Variants in ALKBH4 observed in about 807,000 individuals in gnomAD.
The protein encoded by ALKBH4 is alpha-ketoglutarate-dependent dioxygenase alkB homolog 4.
In ALKBH4, 8 loss-of-function variants were observed where a neutral mutation model predicts 12.1. The observed-to-expected ratio is 0.66, with a 90% CI of 0.39 to 1.19. ALKBH4 has a LOEUF of 1.19. Among genes scored for constraint, ALKBH4 ranks in the 50% most tolerant of loss-of-function variants. The pLI is 0.01. For missense variants in ALKBH4, 403 were observed against 430.4 expected (o/e 0.94, Z 0.56); for synonymous variants, 195 against 191.6 (o/e 1.02, Z -0.15).
In ALKBH4 at chr7:102,457,281, C is replaced by T. The variant is rs1430574295; in HGVS notation, c.*113G>A. ...TCCTGGGCAGGGCTCACACTGCTCA[C>T]AGCATCAGGGGTCAGCCATCTTCTC... On this transcript the variant is annotated 3_prime_UTR_variant, in exon 3 of 3. Coordinates refer to ENST00000292566, the MANE Select transcript of ALKBH4 (RefSeq NM_017621.4). This position sits in a 1 kb window ranked among gnomAD's most constrained non-coding sequence, Gnocchi z 5.9. 1.6e-6 allele frequency: 2 copies of T among 1,259,840 alleles called. No individual in the cohort carries two copies. Among genetic ancestry groups the T allele is most frequent in the Admixed American group, 2.1e-5 (1 of 48,322 alleles). The allele number at this position is 1,259,840 out of a possible 1,614,324, so 78.0% of individuals were successfully genotyped here.
At chr7:102,462,925 C>T (rs528868745) in intron 1 of ALKBH4, among the ~76,000 whole-genome samples, 63 of 149,762 alleles carry the variant, frequency 4.2e-4, no homozygotes, top group South Asian at 1.9e-3. Flanking sequence ...CCCCAAGGTT[C>T]GTCCATGCTG....
intron 1 of ALKBH4, among the ~76,000 whole-genome samples, chr7:102,460,131 G>A (rs955871233): frequency 2.0e-5 from 3 of 149,572 alleles, no homozygotes; most frequent in Admixed American, 6.7e-5. Context: ...TCCAGCCTGG[G>A]CGACAGAGTG....
chr7:102,457,343 G>T lies in ALKBH4; in HGVS notation c.*51C>A. The T allele has an allele frequency of 6.4e-7, 1 of 1,553,262 alleles. No homozygotes were observed. Among genetic ancestry groups the T allele is most frequent in the Non-Finnish European group, 8.8e-7 (1 of 1,140,636 alleles). ...TGAGTTGCAGGAGGCCCTGTTCTGT[G>T]CTCCTCATTTCAATCCCGGGATCAG... On this transcript the variant is annotated 3_prime_UTR_variant, in exon 3 of 3. Transcript: ENST00000292566. This position sits in a 1 kb window ranked among gnomAD's most constrained non-coding sequence, Gnocchi z 5.9.
Position 102,457,133 on chromosome 7 carries a change from G to A in ALKBH4, c.*261C>T, listed in dbSNP as rs1797671572. 13 of 429,164 alleles carry A rather than the reference G, an allele frequency of 3.0e-5. No homozygotes were observed. Among genetic ancestry groups the A allele is most frequent in the Non-Finnish European group, 4.6e-5 (11 of 239,216 alleles). The allele number at this position is 429,164 out of a possible 1,614,324, so 26.6% of individuals were successfully genotyped here. A position where few individuals can be genotyped will look rare whatever the true frequency, so the allele number is the denominator to read the frequency against. ...TGTGAGCCACTGTGCCCGGCCCCCA[G>A]TATTTTTTAAGCTCAAATGATCCCA... On this transcript the variant is annotated 3_prime_UTR_variant, in exon 3 of 3. Coordinates refer to ENST00000292566, the MANE Select transcript of ALKBH4 (RefSeq NM_017621.4). This position sits in a 1 kb window ranked among gnomAD's most constrained non-coding sequence, Gnocchi z 5.9.
In ALKBH4 at chr7:102,464,696, C is replaced by A; in HGVS notation, c.123+18G>T. The A allele has an allele frequency of 6.7e-7, 1 of 1,503,282 alleles. No individual in the cohort carries two copies. Among genetic ancestry groups the A allele is most frequent in the Non-Finnish European group, 8.9e-7 (1 of 1,128,898 alleles). The allele number at this position is 1,503,282 out of a possible 1,614,324, so 93.1% of individuals were successfully genotyped here. A position where few individuals can be genotyped will look rare whatever the true frequency, so the allele number is the denominator to read the frequency against. ...GCAGAGCGACGTTTGTGGGCGCGGCCCCTCTCCCACCCCTTACCGCTGGGG... is the reference window on the plus strand; with the variant it reads ...GCAGAGCGACGTTTGTGGGCGCGGCACCTCTCCCACCCCTTACCGCTGGGG... On this transcript the variant is annotated intron_variant, in intron 1 of 2. Coordinates refer to ENST00000292566, the MANE Select transcript of ALKBH4 (RefSeq NM_017621.4).
intron 1 of ALKBH4, among the ~76,000 whole-genome samples, chr7:102,463,797 T>C (rs1298278311): frequency 6.6e-6 from 1 of 152,222 alleles, no homozygotes; most frequent in East Asian, 1.9e-4. Flanking sequence ...TATGTTTAAT[T>C]CATGAGGCAT....
intron 1 of ALKBH4, 40 bp downstream of exon 1, chr7:102,464,674 G>C: frequency 6.7e-7 from 1 of 1,489,428 alleles, no homozygotes; most frequent in Non-Finnish European, 8.9e-7. Context: ...CCCAGATGCA[G>C]AGCGACGTTT....
intron 1 of ALKBH4, among the ~76,000 whole-genome samples, chr7:102,460,777 G>T (rs1164722807): frequency 6.6e-6 from 1 of 152,134 alleles, no homozygotes. Context: ...CGGTGTCCCA[G>T]GGGTTGGCCC....
In ALKBH4 at chr7:102,457,828, A is replaced by G. The variant is rs376888079; in HGVS notation, c.475T>C (p.Cys159Arg). The G allele has an allele frequency of 6.2e-7, 1 of 1,610,492 alleles. No homozygotes were observed. The highest frequency in any genetic ancestry group is 1.3e-5 in the African/African-American group (1 of 74,944). ...TCAATGGCAGAGCCCCGCTCGGGGC[A>G]GTAGTCCAGGTTGCACTGCTCGACG... is the stretch of plus-strand genomic sequence containing the variant. ...RPVEQCNLDY[C>R]PERGSAIDPH... The change falls in exon 3 of 3, where the codon TGC (cysteine) becomes CGC (arginine). Residue 159 changes from cysteine to arginine, a missense_variant. Transcript: ENST00000292566. The surrounding 1 kb of genome is among the most constrained non-coding windows in gnomAD (Gnocchi z 5.9).
At chr7:102,463,035 G>A (rs1302414865) in intron 1 of ALKBH4, among the ~76,000 whole-genome samples, 2 of 143,474 alleles carry the variant, frequency 1.4e-5, no homozygotes, top group Non-Finnish European at 3.0e-5. Context: ...ACAGCTCACT[G>A]CAGCCTTGAC....
In ALKBH4 at chr7:102,457,708, C is replaced by T. The variant is rs369932361; in HGVS notation, c.595G>A (p.Gly199Arg). Residue 199 changes from glycine (G) to arginine (R), a missense_variant, in exon 3 of 3, where the codon GGG becomes AGG. Gly to Arg is a moderately radical substitution (Grantham distance 125). Transcript: ENST00000292566. This position sits in a 1 kb window ranked among gnomAD's most constrained non-coding sequence, Gnocchi z 5.9. ...GGGGCCGAGCAGAGGAGCAGGCTCC[C>T]GGGCGCCTCCCGACACATGGACAGC... ...TVLSMCREAP[G>R]SLLLCSAPSA... 13 of 1,555,264 alleles carry T rather than the reference C, an allele frequency of 8.4e-6. No individual in the cohort carries two copies. The highest frequency in any genetic ancestry group is 4.1e-5 in the African/African-American group (3 of 73,840).
chr7:102,464,648 G>T (rs1486359075), intron 1 of ALKBH4, 66 bp downstream of exon 1: 2 of 1,460,476 alleles, frequency 1.4e-6, no homozygotes, highest in South Asian at 2.8e-5. Flanking sequence ...TCATGGCCAA[G>T]CTGGACCTCA....
In ALKBH4 at chr7:102,456,932, A is replaced by C. The variant is rs1017780878; in HGVS notation, c.*462T>G. On this transcript the variant is annotated 3_prime_UTR_variant, in exon 3 of 3. Transcript: ENST00000292566. The stretch of plus-strand genomic sequence containing the variant: ...CAACCTCCGCCTCCCAGGTTCAAGC[A>C]ATTCTCCCACCTTAGCCTCCCGAGT... 1 of 153,238 alleles carries C rather than the reference A, an allele frequency of 6.5e-6. No individual in the cohort carries two copies. Among genetic ancestry groups the C allele is most frequent in the Admixed American group, 6.5e-5 (1 of 15,284 alleles). 9.5% of individuals were successfully genotyped at this position (153,238 alleles called of 1,614,324 possible).
chr7:102,457,287 CA>C lies in ALKBH4; in HGVS notation c.*106del. ...GCAGGGCTCACACTGCTCACAGCAT[CA>C]GGGGTCAGCCATCTTCTCTTGAAAC... On this transcript the variant is annotated 3_prime_UTR_variant, in exon 3 of 3. Transcript: ENST00000292566. The surrounding 1 kb of genome is among the most constrained non-coding windows in gnomAD (Gnocchi z 5.9). The C allele has an allele frequency of 7.7e-7, 1 of 1,295,272 alleles. No individual in the cohort carries two copies. The highest frequency in any genetic ancestry group is 1.1e-6 in the Non-Finnish European group (1 of 926,820). 80.2% of individuals were successfully genotyped at this position (1,295,272 alleles called of 1,614,324 possible). A position where few individuals can be genotyped will look rare whatever the true frequency, so the allele number is the denominator to read the frequency against.
chr7:102,460,439 C>A (rs1309018621), intron 1 of ALKBH4, among the ~76,000 whole-genome samples: 49 of 152,148 alleles, frequency 3.2e-4, no homozygotes, highest in Non-Finnish European at 5.9e-5. Flanking sequence ...CCTCAGGACA[C>A]TGTGGAAGGC....
At chr7:102,459,375 C>T (rs1053763358) in intron 2 of ALKBH4, 1 of 492,746 alleles carries the variant, frequency 2.0e-6, no homozygotes, top group Non-Finnish European at 3.6e-6. Context: ...GGGCAGAGAG[C>T]CCAGGAGCGC....
intron 2 of ALKBH4, chr7:102,459,339 T>TCAC: frequency 2.7e-6 from 1 of 373,642 alleles, no homozygotes; most frequent in Admixed American, 4.3e-5. Context: ...TGGGGTGCCT[T>TCAC]CACCACCACC....
intron 1 of ALKBH4, among the ~76,000 whole-genome samples, chr7:102,461,737 A>G (rs1312989765): frequency 6.6e-6 from 1 of 152,202 alleles, no homozygotes; most frequent in Non-Finnish European, 1.5e-5. Flanking sequence ...AACATTTTAC[A>G]TGGATTATCT....
Position 102,464,760 on chromosome 7 carries a change from C to A in ALKBH4, c.77G>T (p.Cys26Phe). 1 of 1,572,550 alleles carries A rather than the reference C, an allele frequency of 6.4e-7. No individual in the cohort carries two copies. The highest frequency in any genetic ancestry group is 8.6e-7 in the Non-Finnish European group (1 of 1,162,496). Residue 26 changes from cysteine (C) to phenylalanine (F), a missense_variant, in exon 1 of 3, where the codon TGC becomes TTC. Transcript: ENST00000292566. ...GCKGIRTCLI[C>F]ERQRGSDPPW... The stretch of plus-strand genomic sequence containing the variant: ...CGGGTCACTGCCGCGCTGCCGCTCG[C>A]AGATCAGACAGGTCCGGATGCCCTT...
Sources: allele counts gnomAD v4.1 joint callset (sites outside exome capture counted in the v4.1 genomes callset), GRCh38; gene constraint gnomAD v4.1.1; non-coding constraint Gnocchi (gnomAD v3.1); transcripts MANE v1.5; gene names NCBI Gene and HGNC (gene_info 2026-07-23, HGNC 2026-07-21).